The following ADGRA1 variants were observed in gnomAD, a reference collection of about 807,000 sequenced individuals.
The protein encoded by ADGRA1 is adhesion G protein-coupled receptor A1.
A neutral mutation model predicts 21.3 loss-of-function variants in ADGRA1; 12 were observed. That is an observed-to-expected ratio of 0.56 (90% CI 0.36 to 0.91). The LOEUF (loss-of-function observed/expected upper bound fraction) is 0.91. ADGRA1 is among the 40% of genes least tolerant of loss of function. The pLI, the probability that ADGRA1 is intolerant of heterozygous loss-of-function variation, is 0.01. For missense variants in ADGRA1, 790 were observed against 805.6 expected, an observed-to-expected ratio of 0.98 and a Z score of 0.23; for synonymous variants, 385 against 368.8, an observed-to-expected ratio of 1.04 and a Z score of -0.50.
Position 133,100,862 on chromosome 10 carries a change from G to A in ADGRA1, c.256-1835G>A, listed in dbSNP as rs541085071. Among the ~76,000 whole-genome samples the A allele has an allele frequency of 2.0e-3, 303 of 152,302 alleles. 1 individual carries two copies. The highest frequency in any genetic ancestry group is 6.4e-3 in the African/African-American group (268 of 41,568). On this transcript the variant is annotated intron_variant, in intron 4 of 6. Coordinates refer to ENST00000392607, the MANE Select transcript of ADGRA1 (RefSeq NM_001083909.3). ...ATGAACCGTGGGAGCATTTTCCCACGGCAGGTGGTGGGAGGTGCCTGCCGG... is the reference window on the plus strand; with the variant it reads ...ATGAACCGTGGGAGCATTTTCCCACAGCAGGTGGTGGGAGGTGCCTGCCGG...
At chr10:133,094,086 A>G (rs1338769263) in intron 2 of ADGRA1, among the ~76,000 whole-genome samples, 2 of 152,270 alleles carry the variant, frequency 1.3e-5, no homozygotes, top group African/African-American at 4.8e-5. Flanking sequence ...CGGCAGCTCC[A>G]GGCGTCCACG....
intron 4 of ADGRA1, 151 bp downstream of exon 4, chr10:133,098,914 C>G: frequency 9.1e-7 from 1 of 1,102,976 alleles, no homozygotes; most frequent in East Asian, 2.5e-5. Context: ...TCACGCCATG[C>G]AAGTCCACAT....
intron 5 of ADGRA1, among the ~76,000 whole-genome samples, chr10:133,124,811 C>A (rs892054367): frequency 6.6e-6 from 1 of 152,204 alleles, no homozygotes; most frequent in Non-Finnish European, 1.5e-5. Context: ...GATGCTGGAC[C>A]CAGCGGAGCA....
In ADGRA1 at chr10:133,098,659, A is replaced by G. The variant is rs1384700137; in HGVS notation, c.151A>G (p.Lys51Glu). 1.2e-6 allele frequency: 2 copies of G among 1,610,386 alleles called. No homozygotes were observed. Among genetic ancestry groups the G allele is most frequent in the Non-Finnish European group, 1.7e-6 (2 of 1,179,800 alleles). The change falls in exon 4 of 7, where the codon AAG becomes GAG. Residue 51 changes from lysine (K) to glutamate (E), a missense_variant. This residue lies in a region of ADGRA1 where 382 missense variants were observed against 415.6 expected (regional missense o/e 0.92). Transcript: ENST00000392607. Reference protein sequence around the residue: ...VHQSAIRISRKGRHTLLNFCF... With the variant: ...VHQSAIRISREGRHTLLNFCF... ...CCACAGCGCCATCCGCATCAGCCGC[A>G]AGGGCCGGCACACGCTCCTGAATTT...
At chr10:133,095,119 G>A (rs1036144444) in intron 2 of ADGRA1, among the ~76,000 whole-genome samples, 18 of 152,290 alleles carry the variant, frequency 1.2e-4, no homozygotes, top group East Asian at 1.2e-3. Flanking sequence ...ACAGTTGGCC[G>A]GGCTGTCCCT....
intron 5 of ADGRA1, among the ~76,000 whole-genome samples, chr10:133,110,415 A>T (rs1241085889): frequency 6.6e-6 from 1 of 152,234 alleles, no homozygotes; most frequent in African/African-American, 2.4e-5. Flanking sequence ...GTAGTGCCAC[A>T]TCCTGCGTCC....
chr10:133,093,305 C>T (rs117538065), intron 2 of ADGRA1: 46,671 of 1,538,870 alleles, frequency 0.03, 833 homozygotes, highest in Non-Finnish European at 0.035. Flanking sequence ...CCGACTGCTT[C>T]CTTCTCATCT....
At chr10:133,107,956 CT>C (rs141199015) in intron 5 of ADGRA1, among the ~76,000 whole-genome samples, 2 of 152,282 alleles carry the variant, frequency 1.3e-5, no homozygotes, top group African/African-American at 4.8e-5. Context: ...TTTTTCATTT[CT>C]TTTCTGTGAT....
At chr10:133,123,523 G>A (rs767177738) in intron 5 of ADGRA1, among the ~76,000 whole-genome samples, 15 of 152,276 alleles carry the variant, frequency 9.9e-5, no homozygotes, top group South Asian at 4.1e-4. Flanking sequence ...CAGCACGCCC[G>A]TCCTGTAACT....
At chr10:133,114,549 C>T (rs1177729328) in intron 5 of ADGRA1, among the ~76,000 whole-genome samples, 3 of 152,182 alleles carry the variant, frequency 2.0e-5, no homozygotes, top group Non-Finnish European at 4.4e-5. Flanking sequence ...TCCCGACACC[C>T]GCGGCGTCCT....
At chr10:133,112,179 C>T (rs1049043004) in intron 5 of ADGRA1, among the ~76,000 whole-genome samples, 4 of 152,220 alleles carry the variant, frequency 2.6e-5, no homozygotes, top group Non-Finnish European at 5.9e-5. Context: ...CAGAAACAAG[C>T]AGACCTTTTG....
chr10:133,128,992 C>A lies in ADGRA1; in HGVS notation c.1164C>A (p.His388Gln). 6.4e-7 allele frequency: 1 copy of A among 1,565,826 alleles called. No homozygotes were observed. The part of the protein sequence containing the change: ...SPATPCCAKM[H>Q]CEPLTADEAH... ...CCACCCCGTGCTGCGCCAAGATGCA[C>A]TGCGAGCCACTGACGGCGGACGAGG... The change falls in exon 7 of 7, where the codon CAC becomes CAA. Residue 388 changes from histidine (H) to glutamine (Q), a missense_variant. By Grantham distance (24) the His-to-Gln change is conservative. Transcript: ENST00000392607.
rs1044199184 is a variant in ADGRA1 at position 133,128,864 on chromosome 10, TCGC to T, written c.1039_1041del (p.Pro347del). ...GCTGGGCCGCGCCGCCTGCCTGCACTCGCCGGGACTGGGCCAGCCACGGGGCTT... is the reference window on the plus strand; with the variant it reads ...GCTGGGCCGCGCCGCCTGCCTGCACTCGGGACTGGGCCAGCCACGGGGCTT... On this transcript the variant is annotated inframe_deletion, in exon 7 of 7. Transcript: ENST00000392607. 32 of 1,576,862 alleles carry T rather than the reference TCGC, an allele frequency of 2.0e-5. No individual in the cohort carries two copies. Among genetic ancestry groups the T allele is most frequent in the Non-Finnish European group, 2.7e-5 (31 of 1,165,284 alleles).
At chr10:133,127,942 A>C (rs1285782759) in intron 6 of ADGRA1, among the ~76,000 whole-genome samples, 2 of 64,820 alleles carry the variant, frequency 3.1e-5, no homozygotes, top group African/African-American at 6.5e-5. Context: ...GGCCCCTCCC[A>C]TCCAGCTCTG....
At chr10:133,089,432 G>A (rs539328221) in intron 2 of ADGRA1, among the ~76,000 whole-genome samples, 1 of 152,244 alleles carries the variant, frequency 6.6e-6, no homozygotes, top group East Asian at 1.9e-4. Context: ...GTGTTTCAGC[G>A]GGAAGGGGCT....
intron 5 of ADGRA1, among the ~76,000 whole-genome samples, chr10:133,122,420 C>T (rs936504581): frequency 2.0e-5 from 3 of 152,224 alleles, no homozygotes; most frequent in African/African-American, 7.2e-5. Context: ...ACAGAGCCGG[C>T]AGCACTCAGG....
At chr10:133,107,980 G>C (rs1851922215) in intron 5 of ADGRA1, among the ~76,000 whole-genome samples, 1 of 152,260 alleles carries the variant, frequency 6.6e-6, no homozygotes, top group Non-Finnish European at 1.5e-5. Context: ...GGGTACAGCA[G>C]AGGGGTGTGA....
chr10:133,098,043 AT>A (rs1851718157), intron 3 of ADGRA1, among the ~76,000 whole-genome samples: 1 of 152,130 alleles, frequency 6.6e-6, no homozygotes, highest in Non-Finnish European at 1.5e-5. Flanking sequence ...AGTGGCTGTG[AT>A]TATGGGGAGA....
chr10:133,108,663 G>T (rs996866868), intron 5 of ADGRA1, among the ~76,000 whole-genome samples: 1 of 152,074 alleles, frequency 6.6e-6, no homozygotes, highest in African/African-American at 2.4e-5. Flanking sequence ...AGACTCTGTT[G>T]CCAGTCCACA....
Sources: allele counts gnomAD v4.1 joint callset (sites outside exome capture counted in the v4.1 genomes callset), GRCh38; gene constraint gnomAD v4.1.1; regional missense constraint gnomAD v4.1.1; transcripts MANE v1.5; gene names NCBI Gene and HGNC (gene_info 2026-07-23, HGNC 2026-07-21).